Variants in WRN observed in about 807,000 individuals in gnomAD.
The protein encoded by WRN is bifunctional 3'-5' exonuclease/ATP-dependent helicase WRN.
Under a neutral mutation model 180.7 loss-of-function variants are expected in WRN, and 149 were observed. The ratio of observed to expected loss-of-function variants is 0.82; its 90% CI spans 0.72 to 0.94. WRN has a LOEUF of 0.94. Among genes scored for constraint, WRN ranks in the 40% least tolerant of loss-of-function variants. WRN has a pLI of 0.00. For missense variants in WRN, 1,661 were observed against 1,700.1 expected (o/e 0.98, Z 0.40); for synonymous variants, 548 against 568.9 (o/e 0.96, Z 0.52).
rs759240091 is a variant in WRN at position 31,141,587 on chromosome 8, C to T, written c.3125C>T (p.Ala1042Val). 2.9e-5 allele frequency: 47 copies of T among 1,613,902 alleles called. 2 individuals are homozygous for T. In the South Asian group the frequency reaches 4.8e-4, roughly 17 times the overall value. ...SRYNKFMKIC[A>V]LTKKGRNWLH... The stretch of plus-strand genomic sequence containing the variant: ...TATAACAAATTTATGAAGATTTGCG[C>T]CCTTACGAAAAAGGTAAACGGTGTA... The change falls in exon 25 of 35, where the codon GCC becomes GTC. Residue 1042 changes from alanine (A) to valine (V), a missense_variant. This residue lies in a region of WRN where 1,141 missense variants were observed against 1,149.4 expected (regional missense o/e 0.99). Coordinates refer to ENST00000298139, the MANE Select transcript of WRN (RefSeq NM_000553.6).
intron 1 of WRN, among the ~76,000 whole-genome samples, chr8:31,041,538 A>T (rs571865852): frequency 1.3e-5 from 2 of 152,312 alleles, no homozygotes; most frequent in South Asian, 4.1e-4. Context: ...TAACCACCAC[A>T]GTAGAGTATA....
chr8:31,061,381 A>G (rs1468208691), intron 3 of WRN, among the ~76,000 whole-genome samples: 1 of 151,740 alleles, frequency 6.6e-6, no homozygotes, highest in Non-Finnish European at 1.5e-5. Context: ...TTCTTTCAAA[A>G]TTCTTGAACA....
At chr8:31,130,012 AAACAAAAC>A (rs1475548738) in intron 23 of WRN, among the ~76,000 whole-genome samples, 7 of 117,114 alleles carry the variant, frequency 6.0e-5, no homozygotes, top group African/African-American at 1.7e-4. Context: ...CTCAAAAAAA[AAACAAAAC>A]AAAACAAAAA....
Position 31,147,346 on chromosome 8 carries a change from T to G in WRN, c.3460-18T>G. The G allele has an allele frequency of 6.2e-7, 1 of 1,610,796 alleles. No individual in the cohort carries two copies. The highest frequency in any genetic ancestry group is 1.7e-4 in the Middle Eastern group (1 of 6,056). On this transcript the variant is annotated intron_variant, in intron 29 of 34. Coordinates refer to ENST00000298139, the MANE Select transcript of WRN (RefSeq NM_000553.6). ...TAAGTACACTTTAAAAAGTGTTGTT[T>G]CTTTGTTTTTTGTTCAGATTGTGTT...
intron 6 of WRN, 51 bp from the exon 7 acceptor site, chr8:31,068,207 T>C (rs1248665765): frequency 4.3e-6 from 6 of 1,382,622 alleles, no homozygotes; most frequent in Non-Finnish European, 6.1e-6. Context: ...ACTTACTGTT[T>C]TATTTCGGTG....
intron 8 of WRN, among the ~76,000 whole-genome samples, 178 bp from the exon 9 acceptor site, chr8:31,080,688 GA>G (rs1345471670): frequency 1.3e-5 from 2 of 152,098 alleles, no homozygotes; most frequent in African/African-American, 2.4e-5. Context: ...TGATGCTAGA[GA>G]GTAGCCTGCA....
At chr8:31,130,019 ACAAAAC>A (rs1563369221) in intron 23 of WRN, among the ~76,000 whole-genome samples, 12 of 139,898 alleles carry the variant, frequency 8.6e-5, no homozygotes, top group Non-Finnish European at 9.1e-5. Context: ...AAAAAACAAA[ACAAAAC>A]AAAAAAAAAA....
chr8:31,126,749 T>G (rs1250348899), intron 23 of WRN, among the ~76,000 whole-genome samples: 1 of 152,092 alleles, frequency 6.6e-6, no homozygotes. Context: ...GCATTCATTG[T>G]CAGTGAATAG....
At chr8:31,090,982 T>G (rs201998871) in intron 15 of WRN, 40 bp downstream of exon 15, 3 of 1,473,280 alleles carry the variant, frequency 2.0e-6, no homozygotes, top group Non-Finnish European at 2.8e-6. Flanking sequence ...ACCCTCTTTT[T>G]TTCTTCTGTG....
intron 1 of WRN, among the ~76,000 whole-genome samples, chr8:31,050,934 A>T (rs1038266168): frequency 1.3e-5 from 2 of 152,202 alleles, no homozygotes; most frequent in African/African-American, 4.8e-5. Context: ...ATAAAATAGT[A>T]TTGAACCATT....
intron 1 of WRN, among the ~76,000 whole-genome samples, chr8:31,034,822 C>G (rs11574168): frequency 1.3e-5 from 2 of 152,010 alleles, no homozygotes; most frequent in African/African-American, 4.8e-5. Context: ...ACAGAGATAC[C>G]ATTGCTTAGT....
At chr8:31,159,590 C>A (rs965119524) in intron 33 of WRN, among the ~76,000 whole-genome samples, 1 of 151,718 alleles carries the variant, frequency 6.6e-6, no homozygotes, top group Non-Finnish European at 1.5e-5. Flanking sequence ...AATTAAAAGA[C>A]CAAAGCCACC....
At chr8:31,129,635 A>T (rs1179481834) in intron 23 of WRN, among the ~76,000 whole-genome samples, 1 of 152,232 alleles carries the variant, frequency 6.6e-6, no homozygotes, top group African/African-American at 2.4e-5. Context: ...ATTAAAAAAA[A>T]TTTTAAACCT....
At chr8:31,170,899 G>A (rs980269116) in intron 34 of WRN, among the ~76,000 whole-genome samples, 3 of 152,136 alleles carry the variant, frequency 2.0e-5, no homozygotes, top group Non-Finnish European at 4.4e-5. Context: ...CATTATAAAT[G>A]CTGATGATCA....
intron 31 of WRN, among the ~76,000 whole-genome samples, chr8:31,153,277 G>A (rs1585531595): frequency 6.6e-6 from 1 of 152,158 alleles, no homozygotes; most frequent in African/African-American, 2.4e-5. Context: ...CAACTACCCT[G>A]TAACAAGACA....
chr8:31,129,621 G>A (rs185679824), intron 23 of WRN, among the ~76,000 whole-genome samples: 1 of 151,880 alleles, frequency 6.6e-6, no homozygotes, highest in East Asian at 1.9e-4. Context: ...AAATCAAACT[G>A]GAAATTAAAA....
At chr8:31,080,511 T>C (rs185821539) in intron 8 of WRN, among the ~76,000 whole-genome samples, 371 of 152,186 alleles carry the variant, frequency 2.4e-3, no homozygotes, top group Admixed American at 4.5e-3. Flanking sequence ...AACTTAGAAT[T>C]TAATGAAATA....
chr8:31,115,104 C>T (rs1801465286), intron 19 of WRN, among the ~76,000 whole-genome samples: 1 of 152,120 alleles, frequency 6.6e-6, no homozygotes, highest in Non-Finnish European at 1.5e-5. Context: ...CCTTGTTGGC[C>T]AGGCTGGTCT....
intron 1 of WRN, among the ~76,000 whole-genome samples, chr8:31,046,492 A>C (rs1259496233): frequency 2.0e-5 from 3 of 152,158 alleles, no homozygotes; most frequent in Admixed American, 6.5e-5. Context: ...ATGTTCTCCA[A>C]AAAAAGGAGA....
Sources: gnomAD v4.1 joint callset for allele counts (sites outside exome capture counted in the v4.1 genomes callset) on GRCh38, gnomAD v4.1.1 for gene constraint, gnomAD v4.1.1 regional missense constraint, MANE v1.5 for transcripts, NCBI Gene and HGNC (gene_info 2026-07-23, HGNC 2026-07-21) for gene names.